The following RAD51B variants were observed in gnomAD, a reference collection of about 807,000 sequenced individuals.
The protein encoded by RAD51B is RAD51 paralog B, also known as DNA repair protein RAD51 homolog 2.
In RAD51B, 38 loss-of-function variants were observed where a neutral mutation model predicts 42.2. That is an observed-to-expected ratio of 0.90 (90% CI 0.70 to 1.18). The LOEUF (loss-of-function observed/expected upper bound fraction) is 1.18. Ranked by LOEUF, RAD51B falls within the 50% of genes most tolerant of loss-of-function variation. The pLI is 0.00. For synonymous variants in RAD51B, 154 were observed against 145.2 expected (o/e 1.06, Z -0.43); for missense variants, 373 against 400.7 (o/e 0.93, Z 0.59).
intron 10 of RAD51B, among the ~76,000 whole-genome samples, chr14:68,610,839 G>GTA (rs1344260800): frequency 9.4e-6 from 1 of 106,124 alleles, no homozygotes; most frequent in South Asian, 3.2e-4. Context: ...ACATCTGAAT[G>GTA]TATATGTGTG....
At chr14:68,562,119 G>A (rs761909773) in intron 10 of RAD51B, 76 of 985,208 alleles carry the variant, frequency 7.7e-5, no homozygotes, top group Non-Finnish European at 8.9e-5. Flanking sequence ...TTTTCTCCCT[G>A]TGAAAGCCCT....
chr14:68,426,055 T>A lies in RAD51B; in HGVS notation c.957+14528T>A, dbSNP rs376451127. On this transcript the variant is annotated intron_variant, in intron 9 of 10. Transcript: ENST00000471583. The stretch of plus-strand genomic sequence containing the variant: ...CTCTTTCTTTCTCTCTTTCTCTCTC[T>A]CTCTCTTTCTTTCTTTCTTTTTTTG... 1.2e-4 allele frequency among the ~76,000 whole-genome samples: 18 copies of A among 150,732 alleles called. 1 individual carries two copies. The highest frequency in any genetic ancestry group is 4.4e-4 in the African/African-American group (18 of 41,014).
intron 7 of RAD51B, among the ~76,000 whole-genome samples, chr14:68,195,657 C>G (rs1354257708): frequency 2.0e-5 from 3 of 152,028 alleles, no homozygotes; most frequent in Admixed American, 6.6e-5. Flanking sequence ...ACCTGTAATC[C>G]CAGCACTTTG....
rs115221260 is a variant in RAD51B at position 67,996,809 on chromosome 14, A to G, written c.756+109605A>G. 3.5e-3 allele frequency among the ~76,000 whole-genome samples: 530 copies of G among 152,278 alleles called. 5 individuals carry two copies. Among genetic ancestry groups the G allele is most frequent in the African/African-American group, 0.012 (515 of 41,546 alleles). ...GTTGTATGAGCAAGGGATGAATTAG[A>G]CAAGCTAGGAGGTTGTTGGAATATT... On this transcript the variant is annotated intron_variant, in intron 7 of 10. Transcript: ENST00000471583.
intron 10 of RAD51B, among the ~76,000 whole-genome samples, chr14:68,601,338 C>T (rs1318317749): frequency 6.6e-6 from 1 of 152,138 alleles, no homozygotes; most frequent in African/African-American, 2.4e-5. Context: ...TCACCTCCTT[C>T]CTGGCCACAG....
chr14:68,078,734 A>T lies in RAD51B; in HGVS notation c.756+191530A>T, dbSNP rs972622499. Reference sequence around the variant, plus strand: ...GCTGGACACGGTGGCTCATGCCCGTAGTCCCAGCACTTTGGGAGGCCAAAG... The same window carrying T: ...GCTGGACACGGTGGCTCATGCCCGTTGTCCCAGCACTTTGGGAGGCCAAAG... On this transcript the variant is annotated intron_variant, in intron 7 of 10. Transcript: ENST00000471583. Among the ~76,000 whole-genome samples, 6 of 152,344 alleles carry T rather than the reference A, an allele frequency of 3.9e-5. No individual in the cohort carries two copies. In the South Asian group the frequency reaches 1.2e-3, roughly 32 times the overall value.
intron 7 of RAD51B, among the ~76,000 whole-genome samples, chr14:68,202,831 C>T (rs1433422161): frequency 1.3e-5 from 2 of 152,086 alleles, no homozygotes; most frequent in Admixed American, 6.5e-5. Context: ...ATCTGCCCAC[C>T]TCAGCCTCAC....
chr14:67,907,596 C>T lies in RAD51B; in HGVS notation c.756+20392C>T, dbSNP rs116844826. Reference sequence around the variant, plus strand: ...GCTGGGGGTCCAGCTGGAACATTCACATGTGGTTTTAATATTATCACTGGG... The same window carrying T: ...GCTGGGGGTCCAGCTGGAACATTCATATGTGGTTTTAATATTATCACTGGG... On this transcript the variant is annotated intron_variant, in intron 7 of 10. Coordinates refer to ENST00000471583, the MANE Select transcript of RAD51B (RefSeq NM_133510.4). Among the ~76,000 whole-genome samples the T allele has an allele frequency of 3.2e-3, 490 of 152,100 alleles. 4 individuals are homozygous for T. Among genetic ancestry groups the T allele is most frequent in the Non-Finnish European group, 5.7e-3 (387 of 68,010 alleles).
chr14:68,235,045 A>G (rs145809533), intron 7 of RAD51B, among the ~76,000 whole-genome samples: 1 of 152,308 alleles, frequency 6.6e-6, no homozygotes, highest in Admixed American at 6.5e-5. Context: ...TAATATGTAG[A>G]AAGAGTACAC....
rs1001502921 is a variant in RAD51B, at chr14:67,870,245, A to G, written c.452+5106A>G. Among the ~76,000 whole-genome samples the G allele has an allele frequency of 5.3e-5, 8 of 152,124 alleles. 1 individual carries two copies. The highest frequency in any genetic ancestry group is 8.8e-5 in the Non-Finnish European group (6 of 68,028). ...AAAATAAAAGGTTGGAGGAAGATCT[A>G]CCAAGCAAATGGAAAACAAAAAAAG... On this transcript the variant is annotated intron_variant, in intron 5 of 10. Transcript: ENST00000471583.
At chr14:68,608,394 C>A (rs1891540379) in intron 10 of RAD51B, among the ~76,000 whole-genome samples, 1 of 152,180 alleles carries the variant, frequency 6.6e-6, no homozygotes, top group Non-Finnish European at 1.5e-5. Flanking sequence ...AGTGAGAGTT[C>A]CCTGGCTTGG....
At chr14:67,867,340 T>C (rs749327892) in intron 5 of RAD51B, among the ~76,000 whole-genome samples, 24 of 152,218 alleles carry the variant, frequency 1.6e-4, no homozygotes, top group African/African-American at 4.8e-5. Flanking sequence ...ATTTCTCTCA[T>C]ATAACAAGAC....
At chr14:68,253,035 A>G (rs2080672172) in intron 7 of RAD51B, among the ~76,000 whole-genome samples, 1 of 151,850 alleles carries the variant, frequency 6.6e-6, no homozygotes, top group South Asian at 2.1e-4. Flanking sequence ...GTGAGCCAAG[A>G]TCATGCCATT....
chr14:68,214,232 CT>C (rs1392094346), intron 7 of RAD51B, among the ~76,000 whole-genome samples: 1 of 152,170 alleles, frequency 6.6e-6, no homozygotes, highest in Non-Finnish European at 1.5e-5. Context: ...TAGTTCATAT[CT>C]GCACAAAAAT....
intron 10 of RAD51B, among the ~76,000 whole-genome samples, chr14:68,508,833 G>A (rs1885521341): frequency 6.6e-6 from 1 of 152,204 alleles, no homozygotes; most frequent in Admixed American, 6.5e-5. Flanking sequence ...TGCATTTCTA[G>A]TGAATAGCAT....
At chr14:68,197,713 T>C (rs2079401201) in intron 7 of RAD51B, among the ~76,000 whole-genome samples, 1 of 152,174 alleles carries the variant, frequency 6.6e-6, no homozygotes, top group South Asian at 2.1e-4. Flanking sequence ...ACTGTAATTT[T>C]AATTTTGATT....
At chr14:68,560,792 C>T (rs1440304078) in intron 10 of RAD51B, among the ~76,000 whole-genome samples, 1 of 152,000 alleles carries the variant, frequency 6.6e-6, no homozygotes, top group Non-Finnish European at 1.5e-5. Flanking sequence ...GCCCCACACA[C>T]ACTTCTGCCC....
rs34553299 is a variant in RAD51B, at chr14:67,824,010, C to T, written c.84+383C>T. On this transcript the variant is annotated intron_variant, in intron 2 of 10. Transcript: ENST00000471583. Reference sequence around the variant, plus strand: ...GATGGAGCATGAGAAATATATAGAGCGGATCTTGCATTTTTAAGCAAGGTG... The same window carrying T: ...GATGGAGCATGAGAAATATATAGAGTGGATCTTGCATTTTTAAGCAAGGTG... Among the ~76,000 whole-genome samples, 893 of 152,268 alleles carry T rather than the reference C, an allele frequency of 5.9e-3. 41 individuals are homozygous for T. The East Asian group carries it at 0.12, about 20-fold the overall frequency.
chr14:68,471,976 G>A (rs1031848788), intron 10 of RAD51B: 2 of 152,308 alleles, frequency 1.3e-5, no homozygotes, highest in Admixed American at 1.3e-4. Flanking sequence ...GAAATGTTGG[G>A]GTAGGAGGGG....
Sources: gnomAD v4.1 joint callset for allele counts (sites outside exome capture counted in the v4.1 genomes callset) on GRCh38, gnomAD v4.1.1 for gene constraint, MANE v1.5 for transcripts, NCBI Gene and HGNC (gene_info 2026-07-23, HGNC 2026-07-21) for gene names.